Variants in TRDN observed in about 807,000 individuals in gnomAD.
TRDN encodes the protein triadin in skeletal muscle.
A neutral mutation model predicts 149.7 loss-of-function variants in TRDN; 161 were observed. The ratio of observed to expected loss-of-function variants is 1.08; its 90% CI spans 0.95 to 1.23. TRDN has a LOEUF of 1.23. TRDN is among the 50% of genes most tolerant of loss of function. TRDN has a pLI of 0.00. For missense variants in TRDN, 896 were observed against 823.5 expected (o/e 1.09, Z -1.08); for synonymous variants, 294 against 250.5 (o/e 1.17, Z -1.64).
At chr6:123,241,757 T>A (rs1325524375) in intron 38 of TRDN, among the ~76,000 whole-genome samples, 1 of 152,066 alleles carries the variant, frequency 6.6e-6, no homozygotes, top group Admixed American at 6.6e-5. Context: ...AAATTTATTA[T>A]CTTGGACTAA....
At chr6:123,627,996 G>T (rs981498545) in intron 1 of TRDN, among the ~76,000 whole-genome samples, 1 of 152,130 alleles carries the variant, frequency 6.6e-6, no homozygotes, top group African/African-American at 2.4e-5. Flanking sequence ...ATTCTGGCTG[G>T]TTGGATCTTC....
chr6:123,249,178 CAT>C (rs1025047464), intron 38 of TRDN, among the ~76,000 whole-genome samples: 4 of 151,964 alleles, frequency 2.6e-5, no homozygotes, highest in African/African-American at 9.7e-5. Context: ...AGCCAACAAA[CAT>C]ATGAAAACAT....
chr6:123,611,287 A>C (rs1169939444), intron 1 of TRDN, among the ~76,000 whole-genome samples: 1 of 152,204 alleles, frequency 6.6e-6, no homozygotes, highest in African/African-American at 2.4e-5. Flanking sequence ...AAGAGAACTG[A>C]ATTGAGTAGA....
chr6:123,414,180 C>CT (rs5879678), intron 12 of TRDN, among the ~76,000 whole-genome samples: 134,962 of 151,790 alleles, frequency 0.89, 60,212 homozygotes, highest in East Asian at 0.99. Context: ...TTTAGCATTC[C>CT]TTTAAGTTCC....
intron 38 of TRDN, among the ~76,000 whole-genome samples, chr6:123,240,455 T>A (rs1269266087): frequency 6.6e-6 from 1 of 151,802 alleles, no homozygotes; most frequent in Non-Finnish European, 1.5e-5. Flanking sequence ...TCAATCTTAC[T>A]TGCTGAAACA....
intron 23 of TRDN, among the ~76,000 whole-genome samples, chr6:123,326,125 T>C (rs998050401): frequency 1.2e-4 from 18 of 152,122 alleles, no homozygotes; most frequent in African/African-American, 4.1e-4. Flanking sequence ...CTTAACTTTA[T>C]CCTCTCCTAA....
intron 38 of TRDN, among the ~76,000 whole-genome samples, chr6:123,246,124 A>C (rs987152348): frequency 3.3e-5 from 5 of 152,070 alleles, no homozygotes; most frequent in African/African-American, 1.2e-4. Context: ...AAATGCCCAC[A>C]TGAGAAAGCG....
intron 1 of TRDN, among the ~76,000 whole-genome samples, chr6:123,600,701 G>A (rs564449133): frequency 1.3e-5 from 2 of 152,146 alleles, no homozygotes; most frequent in East Asian, 3.9e-4. Context: ...TGACCGCTCT[G>A]GTTATACAGC....
At chr6:123,417,298 A>T (rs1773696568) in intron 12 of TRDN, among the ~76,000 whole-genome samples, 1 of 150,482 alleles carries the variant, frequency 6.6e-6, no homozygotes. Context: ...ATTGGCCTAA[A>T]ATCCTACAAT....
At chr6:123,521,880 C>T (rs6929960) in intron 5 of TRDN, among the ~76,000 whole-genome samples, 128,515 of 152,176 alleles carry the variant, frequency 0.84, 54,372 homozygotes, top group East Asian at 0.89. Flanking sequence ...ACTTACTACA[C>T]GTGGTATAAT....
At chr6:123,593,829 G>A (rs1272362482) in intron 1 of TRDN, among the ~76,000 whole-genome samples, 1 of 152,112 alleles carries the variant, frequency 6.6e-6, no homozygotes, top group East Asian at 1.9e-4. Context: ...TATGACAAAT[G>A]TTATATGGTC....
chr6:123,556,545 C>CT lies in TRDN; in HGVS notation c.233-7934dup, dbSNP rs374350853. Among the ~76,000 whole-genome samples the CT allele has an allele frequency of 1.4e-3, 213 of 152,068 alleles. 1 individual carries two copies. The highest frequency in any genetic ancestry group is 4.7e-3 in the African/African-American group (194 of 41,462). ...AATTGCAATATAATTTTTTCCTGTTCTTTTTTCCTGTTCAGTCTCTCTTTC... is the reference window on the plus strand; with the variant it reads ...AATTGCAATATAATTTTTTCCTGTTCTTTTTTTCCTGTTCAGTCTCTCTTTC... On this transcript the variant is annotated intron_variant, in intron 2 of 40. Transcript: ENST00000334268.
At chr6:123,330,819 C>A (rs1779633236) in intron 23 of TRDN, among the ~76,000 whole-genome samples, 1 of 151,960 alleles carries the variant, frequency 6.6e-6, no homozygotes, top group African/African-American at 2.4e-5. Context: ...ATCCTTCATT[C>A]CTCTTACTCA....
intron 21 of TRDN, among the ~76,000 whole-genome samples, chr6:123,347,681 T>C (rs541814521): frequency 6.6e-6 from 1 of 152,180 alleles, no homozygotes; most frequent in South Asian, 2.1e-4. Context: ...TTCTTCAGCA[T>C]TGGGGGCAAT....
intron 20 of TRDN, among the ~76,000 whole-genome samples, chr6:123,365,380 C>A (rs1781055121): frequency 6.6e-6 from 1 of 152,004 alleles, no homozygotes; most frequent in African/African-American, 2.4e-5. Flanking sequence ...AAGTTACATT[C>A]CTGTATTCAT....
At chr6:123,377,574 T>C (rs1781555847) in intron 18 of TRDN, 142 bp downstream of exon 18, 1 of 909,514 alleles carries the variant, frequency 1.1e-6, no homozygotes, top group Non-Finnish European at 1.7e-6. Flanking sequence ...GTTATGTCCA[T>C]GTCAAGAACT....
rs186355835 is a variant in TRDN at position 123,509,249 on chromosome 6, C to T, written c.610+3054G>A. On this transcript the variant is annotated intron_variant, in intron 7 of 40. Transcript: ENST00000334268. ...ATATTTAAATGGAAAGTATTTATGG[C>T]AAGCAGACTCAAGATGGCTCCCAGT... Among the ~76,000 whole-genome samples, 318 of 152,016 alleles carry T rather than the reference C, an allele frequency of 2.1e-3. 10 individuals are homozygous for T. The South Asian group carries it at 0.057, about 27-fold the overall frequency.
chr6:123,631,064 T>C (rs1045930088), intron 1 of TRDN, among the ~76,000 whole-genome samples: 3 of 152,004 alleles, frequency 2.0e-5, no homozygotes, highest in Middle Eastern at 6.8e-3. Context: ...CTCTGCACTA[T>C]ATTTTCTCTC....
chr6:123,529,151 A>G, intron 5 of TRDN: 1 of 1,536,708 alleles, frequency 6.5e-7, no homozygotes, highest in Non-Finnish European at 8.8e-7. Flanking sequence ...AATTAATAGC[A>G]CAGTCTGCAA....
Sources: gnomAD v4.1 joint callset for allele counts (sites outside exome capture counted in the v4.1 genomes callset) on GRCh38, gnomAD v4.1.1 for gene constraint, MANE v1.5 for transcripts, NCBI Gene and HGNC (gene_info 2026-07-23, HGNC 2026-07-21) for gene names.